The following NDUFAF1 variants were observed in gnomAD, a reference collection of about 807,000 sequenced individuals.
NDUFAF1 encodes the protein NADH:ubiquinone oxidoreductase complex assembly factor 1, also known as complex I intermediate-associated protein 30, mitochondrial.
Under a neutral mutation model 28.7 loss-of-function variants are expected in NDUFAF1, and 18 were observed. That is an observed-to-expected ratio of 0.63 (90% CI 0.43 to 0.93). The LOEUF is 0.93. Ranked by LOEUF, NDUFAF1 falls within the 40% of genes least tolerant of loss-of-function variation. The pLI, the probability that NDUFAF1 is intolerant of heterozygous loss-of-function variation, is 0.00. For missense variants in NDUFAF1, 404 were observed against 398.3 expected (o/e 1.01, Z -0.12); for synonymous variants, 113 against 139.7 (o/e 0.81, Z 1.35).
In NDUFAF1 at chr15:41,396,563, G is replaced by C; in HGVS notation, c.497C>G (p.Thr166Ser). ...GTCCTGAGGCGCCTCAGAGCTCAGA[G>C]TTCCATATAGCAGTGCACTTTGGTT... ...KNNQSALLYG[T>S]LSSEAPQDGE... is the part of the protein sequence containing the mutation. Residue 166 changes from threonine to serine, a missense_variant, in exon 2 of 5, where the codon ACT becomes AGT. Coordinates refer to ENST00000260361, the MANE Select transcript of NDUFAF1 (RefSeq NM_016013.4). 1 of 1,614,130 alleles carries C rather than the reference G, an allele frequency of 6.2e-7. No individual in the cohort carries two copies. The highest frequency in any genetic ancestry group is 8.5e-7 in the Non-Finnish European group (1 of 1,180,036).
In NDUFAF1 at chr15:41,392,134, G is replaced by A. The variant is rs1034496070; in HGVS notation, c.759+2725C>T. Among the ~76,000 whole-genome samples, 16 of 148,136 alleles carry A rather than the reference G, an allele frequency of 1.1e-4. No homozygotes were observed. In the East Asian group the frequency reaches 2.8e-3, roughly 26 times the overall value. ...GTCACCCAGGGTGGAGTACAGTGGC[G>A]CGATCTTGGCTCACTGCAACTTCCA... On this transcript the variant is annotated intron_variant, in intron 3 of 4. Transcript: ENST00000260361.
intron 1 of NDUFAF1, among the ~76,000 whole-genome samples, chr15:41,397,627 G>A (rs1452248268): frequency 4.6e-5 from 7 of 151,760 alleles, no homozygotes; most frequent in Admixed American, 6.6e-5. Context: ...GTGAAACCCC[G>A]TCTCTACTAA....
rs765203135 is a variant in NDUFAF1 at position 41,388,492 on chromosome 15, G to T, written c.790C>A (p.Arg264=). 2.5e-6 allele frequency: 4 copies of T among 1,612,474 alleles called. No individual in the cohort carries two copies. Among genetic ancestry groups the T allele is most frequent in the African/African-American group, 2.7e-5 (2 of 74,848 alleles). ...IPFSKFFFSN[R]GRIRDVQHEL... Reference sequence around the variant, plus strand: ...TGCTGAACATCCCGGATTCTTCCTCGATTAGAGAAGAAAAATTTGGAAAAA... The same window carrying T: ...TGCTGAACATCCCGGATTCTTCCTCTATTAGAGAAGAAAAATTTGGAAAAA... Residue 264 remains arginine (R), a synonymous_variant, in exon 4 of 5, where the codon CGA becomes AGA. Transcript: ENST00000260361.
chr15:41,402,066 G>GAC, intron 1 of NDUFAF1, 78 bp downstream of exon 1: 1 of 367,146 alleles, frequency 2.7e-6, no homozygotes, highest in East Asian at 7.4e-5. Context: ...ATACCGCCCT[G>GAC]AGGTTGACGG....
intron 1 of NDUFAF1, among the ~76,000 whole-genome samples, chr15:41,400,972 C>CT (rs57295983): frequency 0.024 from 3,404 of 144,170 alleles, 60 homozygotes; most frequent in East Asian, 0.07. Context: ...ATTATCAATA[C>CT]TTTTTTTTTT....
At chr15:41,398,681 G>A (rs1231968665) in intron 1 of NDUFAF1, among the ~76,000 whole-genome samples, 1 of 152,094 alleles carries the variant, frequency 6.6e-6, no homozygotes, top group Non-Finnish European at 1.5e-5. Context: ...TTGGCCGGGT[G>A]CCGTGCATCA....
Position 41,388,519 on chromosome 15 carries a change from G to T in NDUFAF1, c.763C>A (p.Pro255Thr). The change falls in exon 4 of 5, where the codon CCT (proline) becomes ACT (threonine). Residue 255 changes from proline to threonine, a missense_variant. By Grantham distance (38) the Pro-to-Thr change is conservative. Transcript: ENST00000260361. ...TTAGAGAAGAAAAATTTGGAAAAAG[G>T]AATCTGAAAGAAGAAACCATTTACT... Reference protein sequence around the residue: ...GGPYWQEVKIPFSKFFFSNRG... With the variant: ...GGPYWQEVKITFSKFFFSNRG... 1.2e-6 allele frequency: 2 copies of T among 1,604,668 alleles called. No homozygotes were observed. Among genetic ancestry groups the T allele is most frequent in the Non-Finnish European group, 1.7e-6 (2 of 1,171,514 alleles).
intron 3 of NDUFAF1, among the ~76,000 whole-genome samples, chr15:41,394,523 T>C (rs765065658): frequency 1.3e-5 from 2 of 152,038 alleles, no homozygotes; most frequent in Non-Finnish European, 2.9e-5. Context: ...ACAAAATTCA[T>C]TTATGTCTCT....
In NDUFAF1 at chr15:41,394,357, G is replaced by A. The variant is rs1009476222; in HGVS notation, c.759+502C>T. 3.9e-6 allele frequency: 5 copies of A among 1,288,732 alleles called. No homozygotes were observed. In the African/African-American group the frequency reaches 6.1e-5, roughly 16 times the overall value. The allele number at this position is 1,288,732 out of a possible 1,614,324, so 79.8% of individuals were successfully genotyped here. A position where few individuals can be genotyped will look rare whatever the true frequency, so the allele number is the denominator to read the frequency against. ...CTAGGACACCAACTTTAGCAGAGTT[G>A]CCTGGAAGACATGAAATGGCAGAAA... On this transcript the variant is annotated intron_variant, in intron 3 of 4. Coordinates refer to ENST00000260361, the MANE Select transcript of NDUFAF1 (RefSeq NM_016013.4).
At chr15:41,391,904 G>A (rs138747987) in intron 3 of NDUFAF1, among the ~76,000 whole-genome samples, 2 of 151,980 alleles carry the variant, frequency 1.3e-5, no homozygotes, top group Admixed American at 6.6e-5. Flanking sequence ...GCAAAGCTCT[G>A]AGATGGAAAT....
At chr15:41,398,887 G>A (rs1355094950) in intron 1 of NDUFAF1, among the ~76,000 whole-genome samples, 4 of 150,402 alleles carry the variant, frequency 2.7e-5, no homozygotes, top group Non-Finnish European at 4.5e-5. Context: ...CCCAGGAGGC[G>A]GAGGTTGCAA....
chr15:41,401,439 T>C (rs2050462358), intron 1 of NDUFAF1, among the ~76,000 whole-genome samples: 1 of 151,316 alleles, frequency 6.6e-6, no homozygotes, highest in African/African-American at 2.4e-5. Context: ...CCCAACTTTT[T>C]TTTTTTTTTT....
At position 41,397,134 on chromosome 15, in the gene NDUFAF1, A is replaced by G. The variant is rs1057524062; in HGVS notation, c.-75T>C. The G allele has an allele frequency of 1.7e-6, 2 of 1,184,748 alleles. No individual in the cohort carries two copies. The highest frequency in any genetic ancestry group is 2.5e-6 in the Non-Finnish European group (2 of 806,670). The allele number at this position is 1,184,748 out of a possible 1,614,324, so 73.4% of individuals were successfully genotyped here. On this transcript the variant is annotated 5_prime_UTR_variant, in exon 2 of 5. Transcript: ENST00000260361. ...CCAAGAAGCTTCAGCAAATAGCCCA[A>G]TTCTACCTATAACAGAAGAGACATT...
intron 1 of NDUFAF1, among the ~76,000 whole-genome samples, chr15:41,400,688 A>ATTTTTTTTTTTTTTTTTTTTT (rs58010983): frequency 3.1e-5 from 3 of 97,822 alleles, no homozygotes; most frequent in African/African-American, 8.5e-5. Context: ...ATGCCCAGCT[A>ATTTTTTTTTTTTTTTTTTTTT]TTTTTTTTTT....
intron 1 of NDUFAF1, among the ~76,000 whole-genome samples, chr15:41,400,162 A>T (rs1241247136): frequency 6.6e-6 from 1 of 152,012 alleles, no homozygotes; most frequent in East Asian, 1.9e-4. Flanking sequence ...TGACAAGGTC[A>T]GGAGTTTGAG....
intron 2 of NDUFAF1, among the ~76,000 whole-genome samples, chr15:41,395,669 CTTTTTT>C (rs11318328): frequency 7.9e-5 from 5 of 63,158 alleles, no homozygotes; most frequent in Admixed American, 2.2e-4. Flanking sequence ...TGCGCCCGGC[CTTTTTT>C]TTTTTTTTTT....
chr15:41,389,855 C>T (rs1356797910), intron 3 of NDUFAF1, among the ~76,000 whole-genome samples: 1 of 152,022 alleles, frequency 6.6e-6, no homozygotes, highest in Non-Finnish European at 1.5e-5. Context: ...AGGAATATAG[C>T]CTATGAAAAT....
At chr15:41,400,801 T>A (rs763393182) in intron 1 of NDUFAF1, among the ~76,000 whole-genome samples, 18 of 149,722 alleles carry the variant, frequency 1.2e-4, no homozygotes, top group Non-Finnish European at 2.2e-4. Flanking sequence ...TCTCCCAAAG[T>A]ACTGTGATTA....
intron 1 of NDUFAF1, among the ~76,000 whole-genome samples, chr15:41,398,912 C>G (rs2140927419): frequency 6.6e-6 from 1 of 151,522 alleles, no homozygotes; most frequent in East Asian, 2.0e-4. Context: ...GCCGAGATTG[C>G]ACCACTGCAC....
Sources: allele counts gnomAD v4.1 joint callset (sites outside exome capture counted in the v4.1 genomes callset), GRCh38; gene constraint gnomAD v4.1.1; transcripts MANE v1.5; gene names NCBI Gene and HGNC (gene_info 2026-07-23, HGNC 2026-07-21).